Variants in APBB1IP observed in about 807,000 individuals in gnomAD.
The protein encoded by APBB1IP is amyloid beta precursor protein binding family B member 1 interacting protein.
A neutral mutation model predicts 64.9 loss-of-function variants in APBB1IP; 27 were observed. The observed-to-expected ratio is 0.42, with a 90% CI of 0.31 to 0.57. APBB1IP has a LOEUF of 0.57. Among genes scored for constraint, APBB1IP ranks in the 20% least tolerant of loss-of-function variants. APBB1IP has a pLI of 0.20. For synonymous variants in APBB1IP, 392 were observed against 331.0 expected, an observed-to-expected ratio of 1.18 and a Z score of -2.00; for missense variants, 812 against 845.5, an observed-to-expected ratio of 0.96 and a Z score of 0.49.
At chr10:26,447,720 C>A (rs186943586) in intron 2 of APBB1IP, among the ~76,000 whole-genome samples, 1 of 152,176 alleles carries the variant, frequency 6.6e-6, no homozygotes, top group Non-Finnish European at 1.5e-5. Flanking sequence ...TAAAAAGAAC[C>A]ATGACTTTTC....
At chr10:26,445,127 GAAAAGAAAGAAAGAA>G (rs1313957536) in intron 2 of APBB1IP, among the ~76,000 whole-genome samples, 21 of 47,308 alleles carry the variant, frequency 4.4e-4, no homozygotes, top group African/African-American at 6.0e-4. Context: ...AAGAAAGAAA[GAAAAGAAAGAAAGAA>G]AGAAAGAAAG....
Position 26,567,148 on chromosome 10 carries a change from TGCCGCCGCC to T in APBB1IP, c.1665_1673del (p.Pro560_Pro562del), listed in dbSNP as rs1564381256. 3 of 1,414,992 alleles carry T rather than the reference TGCCGCCGCC, an allele frequency of 2.1e-6. No individual in the cohort carries two copies. The highest frequency in any genetic ancestry group is 3.1e-5 in the African/African-American group (2 of 64,760). 87.7% of individuals were successfully genotyped at this position (1,414,992 alleles called of 1,614,324 possible). ...TTGCCCGCCCCACCCGACGACTTCC[TGCCGCCGCC>T]GCCACCGCCGCCGCCCCTCGATGAC... On this transcript the variant is annotated inframe_deletion, in exon 15 of 15. Transcript: ENST00000376236.
intron 8 of APBB1IP, among the ~76,000 whole-genome samples, chr10:26,529,718 G>A (rs1836523951): frequency 6.6e-6 from 1 of 152,090 alleles, no homozygotes; most frequent in Non-Finnish European, 1.5e-5. Flanking sequence ...TCAGCTCACT[G>A]TAACCTCCAC....
At chr10:26,448,715 G>A (rs1489443281) in intron 2 of APBB1IP, among the ~76,000 whole-genome samples, 1 of 152,102 alleles carries the variant, frequency 6.6e-6, no homozygotes, top group Admixed American at 6.6e-5. Context: ...AACAACCTCA[G>A]ATAGTCATTT....
At chr10:26,510,775 C>CACACAA in intron 6 of APBB1IP, among the ~76,000 whole-genome samples, 3 of 148,658 alleles carry the variant, frequency 2.0e-5, no homozygotes, top group African/African-American at 7.5e-5. Flanking sequence ...CACACACACA[C>CACACAA]AAATGAAAAT....
intron 2 of APBB1IP, among the ~76,000 whole-genome samples, chr10:26,450,417 A>G (rs1835452527): frequency 6.6e-6 from 1 of 152,202 alleles, no homozygotes; most frequent in African/African-American, 2.4e-5. Context: ...TTGTATTTTG[A>G]CATTTGAAAT....
In APBB1IP at chr10:26,560,101, C is replaced by G. The variant is rs1421594646; in HGVS notation, c.1156-4C>G. The G allele has an allele frequency of 1.4e-5, 23 of 1,613,508 alleles. No homozygotes were observed. The highest frequency in any genetic ancestry group is 1.8e-5 in the Non-Finnish European group (21 of 1,179,590). ...TACATTGTCTCGAAACTGCTTCTTT[C>G]TAGCACCCCCAAATTCAGAAGGAGT... On this transcript the variant is annotated splice_region_variant and splice_polypyrimidine_tract_variant and intron_variant, in intron 11 of 14. Transcript: ENST00000376236.
chr10:26,439,946 C>G (rs1450392115), intron 2 of APBB1IP, among the ~76,000 whole-genome samples: 1 of 152,132 alleles, frequency 6.6e-6, no homozygotes, highest in African/African-American at 2.4e-5. Flanking sequence ...GGCACATGGG[C>G]CAGGACGATG....
intron 8 of APBB1IP, among the ~76,000 whole-genome samples, chr10:26,522,534 G>A (rs1190706684): frequency 6.6e-6 from 1 of 151,486 alleles, no homozygotes; most frequent in Non-Finnish European, 1.5e-5. Context: ...GTAATATATT[G>A]ATATGCTGAA....
At position 26,545,786 on chromosome 10, in the gene APBB1IP, A is replaced by C. The variant is rs566191462; in HGVS notation, c.1155+4094A>C. ...AAAAAAAAACAAACAAACAAACAAA[A>C]AAAAACCACAAAAATTAGCTGGGCG... On this transcript the variant is annotated intron_variant, in intron 11 of 14. Coordinates refer to ENST00000376236, the MANE Select transcript of APBB1IP (RefSeq NM_019043.4). 5.2e-4 allele frequency among the ~76,000 whole-genome samples: 47 copies of C among 89,792 alleles called. 1 individual carries two copies. Among genetic ancestry groups the C allele is most frequent in the East Asian group, 2.4e-3 (7 of 2,912 alleles). The allele number at this position is 89,792 out of a possible 152,430, so 58.9% of individuals were successfully genotyped here.
At chr10:26,551,013 G>A (rs1484779344) in intron 11 of APBB1IP, among the ~76,000 whole-genome samples, 1 of 152,222 alleles carries the variant, frequency 6.6e-6, no homozygotes, top group Non-Finnish European at 1.5e-5. Context: ...TGGGCCCTGG[G>A]AGACCCACAG....
chr10:26,444,519 G>A (rs1382762840), intron 2 of APBB1IP, among the ~76,000 whole-genome samples: 1 of 152,128 alleles, frequency 6.6e-6, no homozygotes, highest in East Asian at 1.9e-4. Flanking sequence ...AAGGAATGTG[G>A]GGTGTTTGAG....
chr10:26,461,750 A>G (rs1835595869), intron 2 of APBB1IP, among the ~76,000 whole-genome samples: 1 of 151,966 alleles, frequency 6.6e-6, no homozygotes, highest in African/African-American at 2.4e-5. Flanking sequence ...GTCTTCTTTT[A>G]TCCATATAGT....
chr10:26,438,484 T>TTAAAATAAAATAAAATAAAA (rs145194192), intron 1 of APBB1IP, 29 bp downstream of exon 1: 14 of 147,976 alleles, frequency 9.5e-5, no homozygotes, highest in African/African-American at 3.5e-4. Flanking sequence ...TTTCCCAGAA[T>TTAAAATAAAATAAAATAAAA]TAAAATAAAA....
chr10:26,455,115 T>C (rs1385338193), intron 2 of APBB1IP, among the ~76,000 whole-genome samples: 1 of 151,882 alleles, frequency 6.6e-6, no homozygotes, highest in Non-Finnish European at 1.5e-5. Context: ...TGGGTAGTTC[T>C]GATTTTTTGC....
chr10:26,452,680 A>C (rs1412055047), intron 2 of APBB1IP, among the ~76,000 whole-genome samples: 2 of 151,908 alleles, frequency 1.3e-5, no homozygotes, highest in African/African-American at 4.8e-5. Flanking sequence ...TTCTTTTTTT[A>C]ATTTTTATAT....
Position 26,513,664 on chromosome 10 carries a change from A to AGAT in APBB1IP, c.813+8_813+10dup. On this transcript the variant is annotated splice_donor_region_variant and intron_variant, in intron 8 of 14. Transcript: ENST00000376236. ...TGCTGTATTTAAAAACCCCCAGGTA[A>AGAT]GATGATCTGCATATTGTTAAACCCT... The AGAT allele has an allele frequency of 6.2e-7, 1 of 1,607,194 alleles. No individual in the cohort carries two copies. The highest frequency in any genetic ancestry group is 8.5e-7 in the Non-Finnish European group (1 of 1,178,496).
intron 8 of APBB1IP, among the ~76,000 whole-genome samples, chr10:26,515,853 T>G (rs1836320197): frequency 6.6e-6 from 1 of 152,002 alleles, no homozygotes. Flanking sequence ...TAGGCTGGAT[T>G]AGGGATTACC....
intron 3 of APBB1IP, among the ~76,000 whole-genome samples, chr10:26,495,472 C>A (rs1405632543): frequency 6.6e-6 from 1 of 151,066 alleles, no homozygotes; most frequent in Non-Finnish European, 1.5e-5. Context: ...TACTGTAAGG[C>A]AAGAACAGGA....
Sources: gnomAD v4.1 joint callset for allele counts (sites outside exome capture counted in the v4.1 genomes callset) on GRCh38, gnomAD v4.1.1 for gene constraint, MANE v1.5 for transcripts, NCBI Gene and HGNC (gene_info 2026-07-23, HGNC 2026-07-21) for gene names.